The following ANK1 variants were observed in gnomAD, a reference collection of about 807,000 sequenced individuals.
ANK1 encodes the protein ankyrin 1.
In ANK1, 51 loss-of-function variants were observed where a neutral mutation model predicts 210.4. The ratio of observed to expected loss-of-function variants is 0.24; its 90% CI spans 0.19 to 0.31. The LOEUF is 0.31. ANK1 is among the 10% of genes least tolerant of loss of function. The probability of loss-of-function intolerance (pLI) is 1.00; values close to 1 mark genes in which losing one functional copy is unlikely to be tolerated. For missense variants in ANK1, 2,051 were observed against 2,504.4 expected, an observed-to-expected ratio of 0.82 and a Z score of 3.86; for synonymous variants, 967 against 1,025.9, an observed-to-expected ratio of 0.94 and a Z score of 1.10.
In ANK1 at chr8:41,701,630, G is replaced by T; in HGVS notation, c.2389-8C>A. On this transcript the variant is annotated splice_region_variant and splice_polypyrimidine_tract_variant and intron_variant, in intron 21 of 42. Coordinates refer to ENST00000289734, the MANE Select transcript of ANK1 (RefSeq NM_000037.4). ...ATGCTTATCACTGACTAACTAAAAC[G>T]AGAAAAAGCAGATAATTCAACCCAA... is the stretch of plus-strand genomic sequence containing the variant. 1 of 1,613,688 alleles carries T rather than the reference G, an allele frequency of 6.2e-7. No homozygotes were observed. Among genetic ancestry groups the T allele is most frequent in the South Asian group, 1.1e-5 (1 of 91,046 alleles).
chr8:41,741,990 G>A (rs1325642611), intron 2 of ANK1, among the ~76,000 whole-genome samples: 1 of 152,318 alleles, frequency 6.6e-6, no homozygotes, highest in South Asian at 2.1e-4. Flanking sequence ...CTCTTTTTCA[G>A]GTGGAATGTC....
intron 1 of ANK1, among the ~76,000 whole-genome samples, chr8:41,868,480 T>A (rs1389585982): frequency 6.6e-6 from 1 of 152,250 alleles, no homozygotes; most frequent in African/African-American, 2.4e-5. Context: ...CTCAGAGACC[T>A]TTTAAAAGTC....
intron 1 of ANK1, among the ~76,000 whole-genome samples, chr8:41,886,591 T>C (rs1025468470): frequency 3.9e-5 from 6 of 152,178 alleles, no homozygotes; most frequent in African/African-American, 1.4e-4. Flanking sequence ...GAGGCAATGT[T>C]TCAACTGCGT....
At chr8:41,774,413 A>C (rs895031199) in intron 1 of ANK1, among the ~76,000 whole-genome samples, 2 of 152,184 alleles carry the variant, frequency 1.3e-5, no homozygotes, top group African/African-American at 4.8e-5. Context: ...TAAATTGTCA[A>C]TGTCCCCACG....
chr8:41,679,347 G>C (rs189530315), intron 37 of ANK1, among the ~76,000 whole-genome samples: 3 of 152,204 alleles, frequency 2.0e-5, no homozygotes, highest in African/African-American at 4.8e-5. Context: ...TTATCAGGGA[G>C]GACTGGAGCT....
chr8:41,806,139 G>A (rs1008875382), intron 1 of ANK1, among the ~76,000 whole-genome samples: 1 of 152,104 alleles, frequency 6.6e-6, no homozygotes, highest in Non-Finnish European at 1.5e-5. Flanking sequence ...GAGCTCCCTG[G>A]GTCCCCAGGC....
chr8:41,721,959 T>C lies in ANK1; in HGVS notation c.909+1166A>G, dbSNP rs531809757. ...AAAAATCTTAACTTCTGGCCATGTA[T>C]TATGTTTAAATACAGCACTCCTGGA... On this transcript the variant is annotated intron_variant, in intron 9 of 42. Transcript: ENST00000289734. Among the ~76,000 whole-genome samples, 11 of 152,352 alleles carry C rather than the reference T, an allele frequency of 7.2e-5. No homozygotes were observed. The East Asian group carries it at 2.1e-3, about 29-fold the overall frequency.
Position 41,724,569 on chromosome 8 carries a change from A to G in ANK1, c.613-15T>C. ...GTGAATCCCGTCTGGGGCACAACAG[A>G]GGGGGAGAAACTTGTTATATGTGAT... On this transcript the variant is annotated splice_polypyrimidine_tract_variant and intron_variant, in intron 6 of 42. Transcript: ENST00000289734. 1 of 1,570,526 alleles carries G rather than the reference A, an allele frequency of 6.4e-7. No individual in the cohort carries two copies. The highest frequency in any genetic ancestry group is 1.2e-5 in the South Asian group (1 of 85,522).
intron 26 of ANK1, among the ~76,000 whole-genome samples, chr8:41,695,754 G>T (rs1820723500): frequency 6.6e-6 from 1 of 152,264 alleles, no homozygotes; most frequent in African/African-American, 2.4e-5. Flanking sequence ...TGCAAATGGT[G>T]GTGACCGCTC....
intron 1 of ANK1, among the ~76,000 whole-genome samples, chr8:41,843,184 C>T (rs991633315): frequency 5.3e-5 from 8 of 152,074 alleles, no homozygotes; most frequent in Non-Finnish European, 1.0e-4. Flanking sequence ...GCTTACATTG[C>T]CTTAAATTTT....
In ANK1 at chr8:41,668,252, C is replaced by T. The variant is rs779868704; in HGVS notation, c.5394+15G>A. The T allele has an allele frequency of 6.8e-6, 11 of 1,614,096 alleles. No homozygotes were observed. Among genetic ancestry groups the T allele is most frequent in the Non-Finnish European group, 8.5e-6 (10 of 1,180,048 alleles). On this transcript the variant is annotated intron_variant, in intron 39 of 42. Coordinates refer to ENST00000289734, the MANE Select transcript of ANK1 (RefSeq NM_000037.4). ...GGGAAGGAACAGCAGCACGCAGCTC[C>T]CCTCGGGCTCTCACCTGCACCACTT...
chr8:41,845,939 C>G (rs1809964556), intron 1 of ANK1, among the ~76,000 whole-genome samples: 15 of 152,178 alleles, frequency 9.9e-5, no homozygotes, highest in Admixed American at 9.8e-4. Flanking sequence ...CCATCTTTTT[C>G]CCCCTACCTT....
At chr8:41,725,428 G>A (rs1830430870) in intron 6 of ANK1, among the ~76,000 whole-genome samples, 1 of 151,944 alleles carries the variant, frequency 6.6e-6, no homozygotes, top group Non-Finnish European at 1.5e-5. Flanking sequence ...CCACTACGGG[G>A]CAGCCGGGGA....
chr8:41,842,754 G>A (rs1171511675), intron 1 of ANK1, among the ~76,000 whole-genome samples: 5 of 152,198 alleles, frequency 3.3e-5, no homozygotes, highest in African/African-American at 7.2e-5. Flanking sequence ...ATTGGAAGGC[G>A]TGGATTTGGG....
rs546375165 is a variant in ANK1 at position 41,862,552 on chromosome 8, C to A, written c.126+33803G>T. On this transcript the variant is annotated intron_variant, in intron 1 of 42. Coordinates refer to the ANK1 transcript ENST00000265709. The stretch of plus-strand genomic sequence containing the variant: ...TAAAAGAATGAAAATATTTTATACC[C>A]AATTTTTGCAAGCCAAAAGGCTGGG... Among the ~76,000 whole-genome samples, 20 of 151,158 alleles carry A rather than the reference C, an allele frequency of 1.3e-4. No homozygotes were observed. The East Asian group carries it at 3.5e-3, about 27-fold the overall frequency.
At chr8:41,752,970 A>T (rs575135652) in intron 2 of ANK1, among the ~76,000 whole-genome samples, 1 of 151,592 alleles carries the variant, frequency 6.6e-6, no homozygotes, top group South Asian at 2.1e-4. Context: ...CAAGGGGGGG[A>T]TATTCAACCA....
At chr8:41,839,463 C>T (rs1236455053) in intron 1 of ANK1, among the ~76,000 whole-genome samples, 5 of 152,236 alleles carry the variant, frequency 3.3e-5, no homozygotes, top group African/African-American at 4.8e-5. Context: ...ACAGCAGACC[C>T]TTTTGTCCTC....
At chr8:41,719,971 A>G (rs966048942) in intron 9 of ANK1, 113 bp from the exon 10 acceptor site, 1 of 1,281,232 alleles carries the variant, frequency 7.8e-7, no homozygotes, top group African/African-American at 1.5e-5. Flanking sequence ...TGTTTCCACA[A>G]GTCTCTGGAG....
At chr8:41,689,588 C>T (rs775910400) in intron 33 of ANK1, among the ~76,000 whole-genome samples, 8 of 152,296 alleles carry the variant, frequency 5.3e-5, no homozygotes, top group South Asian at 2.1e-4. Flanking sequence ...ACAACAGCAA[C>T]GAAAACCACA....
Sources: gnomAD v4.1 joint callset for allele counts (sites outside exome capture counted in the v4.1 genomes callset) on GRCh38, gnomAD v4.1.1 for gene constraint, MANE v1.5 for transcripts, NCBI Gene and HGNC (gene_info 2026-07-23, HGNC 2026-07-21) for gene names.